Variants in TMEM132D observed in about 807,000 individuals in gnomAD.
TMEM132D encodes the protein transmembrane protein 132D, also known as mature OL transmembrane protein.
Under a neutral mutation model 62.3 loss-of-function variants are expected in TMEM132D, and 21 were observed. That is an observed-to-expected ratio of 0.34 (90% CI 0.24 to 0.49). The LOEUF is 0.49. Ranked by LOEUF, TMEM132D falls within the 20% of genes least tolerant of loss-of-function variation. The probability of loss-of-function intolerance (pLI) is 0.99; values close to 1 mark genes in which losing one functional copy is unlikely to be tolerated. For missense variants in TMEM132D, 1,346 were observed against 1,402.8 expected (o/e 0.96, Z 0.65); for synonymous variants, 621 against 575.6 (o/e 1.08, Z -1.13).
At chr12:129,498,299 G>A (rs563396590) in intron 3 of TMEM132D, among the ~76,000 whole-genome samples, 1 of 152,104 alleles carries the variant, frequency 6.6e-6, no homozygotes, top group Non-Finnish European at 1.5e-5. Flanking sequence ...TGTTGCCCAG[G>A]CTGGAGTGCA....
chr12:129,235,289 T>A (rs1879748660), intron 4 of TMEM132D, among the ~76,000 whole-genome samples: 1 of 152,274 alleles, frequency 6.6e-6, no homozygotes, highest in South Asian at 2.1e-4. Flanking sequence ...TAAAAATAAA[T>A]GTACGCAATT....
chr12:129,421,409 TG>T (rs1248488937), intron 3 of TMEM132D, among the ~76,000 whole-genome samples: 1 of 152,268 alleles, frequency 6.6e-6, no homozygotes, highest in African/African-American at 2.4e-5. Flanking sequence ...GGGAGATTTT[TG>T]CTCTCCCTAG....
intron 3 of TMEM132D, among the ~76,000 whole-genome samples, chr12:129,441,801 A>G (rs931907489): frequency 6.6e-6 from 1 of 152,230 alleles, no homozygotes; most frequent in Non-Finnish European, 1.5e-5. Context: ...AATCTTACAC[A>G]GTGATAAAAA....
At chr12:129,535,857 G>A (rs1876373442) in intron 2 of TMEM132D, among the ~76,000 whole-genome samples, 1 of 151,896 alleles carries the variant, frequency 6.6e-6, no homozygotes, top group Admixed American at 6.6e-5. Flanking sequence ...GAGAAAGGAA[G>A]GGGGACAGGG....
intron 4 of TMEM132D, among the ~76,000 whole-genome samples, chr12:129,232,838 A>C (rs1050599241): frequency 1.3e-5 from 2 of 152,122 alleles, no homozygotes; most frequent in African/African-American, 4.8e-5. Flanking sequence ...AAAGAGAGAG[A>C]GAGAGAGAGA....
At chr12:129,083,073 C>T (rs760917570) in intron 6 of TMEM132D, among the ~76,000 whole-genome samples, 20 of 152,172 alleles carry the variant, frequency 1.3e-4, no homozygotes, top group African/African-American at 4.6e-4. Context: ...AAGTTTTAAA[C>T]CACTAAGGTT....
intron 2 of TMEM132D, among the ~76,000 whole-genome samples, chr12:129,606,255 A>C (rs558934911): frequency 2.0e-5 from 3 of 152,126 alleles, no homozygotes; most frequent in Admixed American, 6.5e-5. Context: ...AGAAAGCTTC[A>C]AAGGGGCTTG....
intron 2 of TMEM132D, among the ~76,000 whole-genome samples, chr12:129,657,485 G>C (rs1286071464): frequency 6.6e-6 from 1 of 152,168 alleles, no homozygotes; most frequent in African/African-American, 2.4e-5. Context: ...CCACCATCAA[G>C]AAGGAAATAA....
At chr12:129,175,011 C>T (rs1877862453) in intron 5 of TMEM132D, among the ~76,000 whole-genome samples, 1 of 152,008 alleles carries the variant, frequency 6.6e-6, no homozygotes, top group Non-Finnish European at 1.5e-5. Flanking sequence ...ACATTTTCTC[C>T]CATTCTGTAG....
At chr12:129,711,168 T>C (rs1360947964) in intron 1 of TMEM132D, among the ~76,000 whole-genome samples, 1 of 152,194 alleles carries the variant, frequency 6.6e-6, no homozygotes, top group East Asian at 1.9e-4. Flanking sequence ...ACACTTGCAT[T>C]GGTCCCCCTA....
chr12:129,874,321 A>G (rs1458635919), intron 1 of TMEM132D, among the ~76,000 whole-genome samples: 1 of 152,128 alleles, frequency 6.6e-6, no homozygotes, highest in Non-Finnish European at 1.5e-5. Context: ...GAGGCAGGAG[A>G]ATCACTTGAA....
chr12:129,623,698 T>TATATACATATATACATATATATACATAC lies in TMEM132D; in HGVS notation c.968+76111_968+76112insGTATGTATATATATGTATATATGTATAT, dbSNP rs1565926881. On this transcript the variant is annotated intron_variant, in intron 2 of 8. Transcript: ENST00000422113. ...ACACATATATATACATATATACATA[T>TATATACATATATACATATATATACATAC]ATATACATACATATGCATATATATA... is the stretch of plus-strand genomic sequence containing the variant. Among the ~76,000 whole-genome samples, 14 of 143,582 alleles carry TATATACATATATACATATATATACATAC rather than the reference T, an allele frequency of 9.8e-5. No homozygotes were observed. The South Asian group carries it at 1.1e-3, about 11-fold the overall frequency. The allele number at this position is 143,582 out of a possible 152,430, so 94.2% of individuals were successfully genotyped here.
At chr12:129,480,467 C>T (rs189881486) in intron 3 of TMEM132D, among the ~76,000 whole-genome samples, 299 of 152,346 alleles carry the variant, frequency 2.0e-3, no homozygotes, top group Non-Finnish European at 3.7e-3. Flanking sequence ...CTCAGCTAGG[C>T]GGTCCTTGGT....
At chr12:129,630,464 G>A (rs1298858942) in intron 2 of TMEM132D, among the ~76,000 whole-genome samples, 3 of 152,054 alleles carry the variant, frequency 2.0e-5, no homozygotes, top group Non-Finnish European at 4.4e-5. Context: ...AAGGATTGGT[G>A]GTTTTCTAGA....
At chr12:129,611,183 T>A (rs1878764822) in intron 2 of TMEM132D, among the ~76,000 whole-genome samples, 1 of 152,246 alleles carries the variant, frequency 6.6e-6, no homozygotes, top group Non-Finnish European at 1.5e-5. Flanking sequence ...TCTCTCCACA[T>A]AGTTTAATAC....
chr12:129,464,080 C>T lies in TMEM132D; in HGVS notation c.1115+66979G>A, dbSNP rs1171407976. Among the ~76,000 whole-genome samples, 280 of 150,644 alleles carry T rather than the reference C, an allele frequency of 1.9e-3. 1 individual carries two copies. Among genetic ancestry groups the T allele is most frequent in the African/African-American group, 6.5e-3 (268 of 40,950 alleles). ...CTTCCACAATGGTTGAACTAGTTTA[C>T]AGTCCCACCAACAGTGTAAAAGTGT... On this transcript the variant is annotated intron_variant, in intron 3 of 8. Coordinates refer to ENST00000422113, the MANE Select transcript of TMEM132D (RefSeq NM_133448.3).
At chr12:129,113,661 G>A (rs759734044) in intron 5 of TMEM132D, among the ~76,000 whole-genome samples, 13 of 152,008 alleles carry the variant, frequency 8.6e-5, no homozygotes, top group Admixed American at 2.6e-4. Context: ...GTCGGCCAGC[G>A]AAAACCCCAT....
rs1404160564 is a variant in TMEM132D at position 129,074,389 on chromosome 12, A to C, written c.2786T>G (p.Leu929Trp). 6.2e-7 allele frequency: 1 copy of C among 1,614,082 alleles called. No homozygotes were observed. Among genetic ancestry groups the C allele is most frequent in the South Asian group, 1.1e-5 (1 of 91,076 alleles). The stretch of plus-strand genomic sequence containing the variant: ...GTTTATCAAGAAGACCAAAATGGCC[A>C]AACAGAAGACTCCCAACAAAGCATA... ...GMYALLGVFC[L>W]AILVFLINCV... is the part of the protein sequence containing the mutation. Residue 929 changes from leucine to tryptophan, a missense_variant, in exon 9 of 9, where the codon TTG becomes TGG. Leu to Trp is a moderately conservative substitution (Grantham distance 61, BLOSUM62 -2). Transcript: ENST00000422113.
chr12:129,819,741 A>G (rs1872491457), intron 1 of TMEM132D, among the ~76,000 whole-genome samples: 1 of 152,146 alleles, frequency 6.6e-6, no homozygotes. Context: ...TGTTCGTGTT[A>G]TTATTCCTAG....
Sources: gnomAD v4.1 joint callset for allele counts (sites outside exome capture counted in the v4.1 genomes callset) on GRCh38, gnomAD v4.1.1 for gene constraint, MANE v1.5 for transcripts, NCBI Gene and HGNC (gene_info 2026-07-23, HGNC 2026-07-21) for gene names.